The following UNC80 variants were observed in gnomAD, a reference collection of about 807,000 sequenced individuals.
The protein encoded by UNC80 is unc-80 subunit of NALCN channel complex.
In UNC80, 164 loss-of-function variants were observed where a neutral mutation model predicts 384.6. The observed-to-expected ratio is 0.43, with a 90% CI of 0.38 to 0.49. The LOEUF (loss-of-function observed/expected upper bound fraction) is 0.49, where lower values mean the gene tolerates loss of function less well. Among genes scored for constraint, UNC80 ranks in the 20% least tolerant of loss-of-function variants. The pLI, the probability that UNC80 is intolerant of heterozygous loss-of-function variation, is 0.00. For missense variants in UNC80, 3,330 were observed against 4,143.0 expected, an observed-to-expected ratio of 0.80 and a Z score of 5.39; for synonymous variants, 1,486 against 1,527.8, an observed-to-expected ratio of 0.97 and a Z score of 0.64.
At chr2:209,901,774 A>G (rs573303736) in intron 28 of UNC80, among the ~76,000 whole-genome samples, 1 of 152,086 alleles carries the variant, frequency 6.6e-6, no homozygotes, top group African/African-American at 2.4e-5. Context: ...AAAATACAAA[A>G]TAAAATTAGC....
In UNC80 at chr2:209,809,513, G is replaced by A. The variant is rs1028280607; in HGVS notation, c.939-4067G>A. On this transcript the variant is annotated intron_variant, in intron 7 of 64. Coordinates refer to ENST00000673920, the MANE Select transcript of UNC80 (RefSeq NM_001371986.1). ...AAGTACCAGTGCCAGGCGTGCGCTCGAACCTTCTCCCGAATGGCCCTGCTC... is the reference window on the plus strand; with the variant it reads ...AAGTACCAGTGCCAGGCGTGCGCTCAAACCTTCTCCCGAATGGCCCTGCTC... 1.9e-5 allele frequency: 22 copies of A among 1,135,884 alleles called. No individual in the cohort carries two copies. In the Admixed American group the frequency reaches 2.6e-4, roughly 13 times the overall value. The allele number at this position is 1,135,884 out of a possible 1,614,324, so 70.4% of individuals were successfully genotyped here.
intron 5 of UNC80, among the ~76,000 whole-genome samples, chr2:209,786,763 T>C (rs2077452168): frequency 1.3e-5 from 2 of 152,020 alleles, no homozygotes; most frequent in South Asian, 4.1e-4. Context: ...TCTCTTACTA[T>C]GTATATAACC....
intron 15 of UNC80, among the ~76,000 whole-genome samples, chr2:209,830,273 T>A (rs1276921061): frequency 6.6e-6 from 1 of 152,200 alleles, no homozygotes; most frequent in Non-Finnish European, 1.5e-5. Flanking sequence ...AATAAAATAT[T>A]GCTCCTCTAT....
chr2:209,862,193 A>G (rs1371068888), intron 22 of UNC80, among the ~76,000 whole-genome samples: 2 of 152,144 alleles, frequency 1.3e-5, no homozygotes, highest in African/African-American at 4.8e-5. Context: ...TTTCCCTGTT[A>G]ACACTGCTTT....
In UNC80 at chr2:209,993,504, C is replaced by A. The variant is rs186362523; in HGVS notation, c.9508+78C>A. 7.2e-4 allele frequency: 904 copies of A among 1,248,382 alleles called. 3 individuals carry two copies. In the African/African-American group the frequency reaches 0.012, roughly 17 times the overall value. 77.3% of individuals were successfully genotyped at this position (1,248,382 alleles called of 1,614,324 possible). On this transcript the variant is annotated intron_variant, in intron 63 of 64. Transcript: ENST00000673920. ...CTCACCCAGGAAGGCTTACAAAAAC[C>A]AAGCTGATGGAGATAAGCACACCTT... is the stretch of plus-strand genomic sequence containing the variant.
chr2:209,978,798 C>G, intron 59 of UNC80, 90 bp downstream of exon 59: 1 of 1,223,264 alleles, frequency 8.2e-7, no homozygotes, highest in Middle Eastern at 2.3e-4. Flanking sequence ...TGACCTTTTC[C>G]GCTTCTGATC....
Position 209,872,193 on chromosome 2 carries a change from A to T in UNC80, c.3628-565A>T, listed in dbSNP as rs189670845. Among the ~76,000 whole-genome samples the T allele has an allele frequency of 3.0e-4, 46 of 152,120 alleles. No individual in the cohort carries two copies. Among genetic ancestry groups the T allele is most frequent in the African/African-American group, 1.1e-3 (45 of 41,510 alleles). ...TTTTTAGTGGAGATGAAGTTTCATC[A>T]TGTTGGCCAGGCTGGTCTTGAACTT... On this transcript the variant is annotated intron_variant, in intron 22 of 64. Transcript: ENST00000673920. The surrounding 1 kb of genome is among the most constrained non-coding windows in gnomAD (Gnocchi z 4.1).
chr2:209,975,060 C>T (rs1226108832), intron 56 of UNC80, among the ~76,000 whole-genome samples: 2 of 152,168 alleles, frequency 1.3e-5, no homozygotes, highest in African/African-American at 4.8e-5. Context: ...TGGCATGGTT[C>T]TCTCCTGGAA....
intron 60 of UNC80, among the ~76,000 whole-genome samples, chr2:209,983,321 G>T (rs2125024118): frequency 7.2e-6 from 1 of 139,604 alleles, no homozygotes; most frequent in East Asian, 2.3e-4. Context: ...AAAGAATAGG[G>T]TAAAATGATA....
chr2:209,806,100 C>T (rs375339905), intron 7 of UNC80, among the ~76,000 whole-genome samples: 15 of 152,298 alleles, frequency 9.8e-5, no homozygotes, highest in South Asian at 4.1e-4. Flanking sequence ...TCAAATGCTA[C>T]GCTTCTGTCT....
intron 35 of UNC80, among the ~76,000 whole-genome samples, chr2:209,926,586 G>A (rs963603766): frequency 6.6e-6 from 1 of 152,034 alleles, no homozygotes; most frequent in African/African-American, 2.4e-5. Flanking sequence ...AGACCGACTG[G>A]GGCAACACAG....
At chr2:209,900,447 A>G (rs977694404) in intron 28 of UNC80, among the ~76,000 whole-genome samples, 5 of 152,154 alleles carry the variant, frequency 3.3e-5, no homozygotes, top group African/African-American at 1.2e-4. Context: ...AACCACACCC[A>G]TATTGATGTT....
chr2:209,855,085 T>C (rs1574754729), intron 22 of UNC80, among the ~76,000 whole-genome samples: 1 of 152,144 alleles, frequency 6.6e-6, no homozygotes, highest in Non-Finnish European at 1.5e-5. Context: ...GAAAATGTGG[T>C]ACACATACAA....
At chr2:209,870,258 G>A (rs2084180739) in intron 22 of UNC80, among the ~76,000 whole-genome samples, 1 of 152,162 alleles carries the variant, frequency 6.6e-6, no homozygotes, top group African/African-American at 2.4e-5. Flanking sequence ...TATTGTGACA[G>A]GCTAAGAATA....
chr2:209,977,179 A>C, intron 58 of UNC80, 101 bp downstream of exon 58: 6 of 1,202,950 alleles, frequency 5.0e-6, no homozygotes, highest in Non-Finnish European at 6.6e-6. Flanking sequence ...GGAACTATGA[A>C]TATGTTAGCC....
chr2:209,945,993 G>A (rs1011686950), intron 47 of UNC80, 50 bp downstream of exon 47: 15 of 1,272,780 alleles, frequency 1.2e-5, no homozygotes, highest in Non-Finnish European at 1.6e-5. Context: ...ATATGGCAGA[G>A]AAAATAAAAT....
intron 30 of UNC80, 118 bp from the exon 31 acceptor site, chr2:209,913,684 A>G (rs2089211650): frequency 2.9e-6 from 3 of 1,021,136 alleles, no homozygotes; most frequent in Admixed American, 2.9e-5. Flanking sequence ...CATTTTAGAA[A>G]GCATTTTAAG....
rs61738497 is a variant in UNC80, at chr2:209,820,393, G to T, written c.2045G>T (p.Cys682Phe). ...GACGTGGCGCTAAACATTGTGGAAT[G>T]CTTGCTTCAACTTGGTGTGGTGCCC... is the stretch of plus-strand genomic sequence containing the variant. ...ICDVALNIVE[C>F]LLQLGVVPCV... Residue 682 changes from cysteine (C) to phenylalanine (F), a missense_variant, in exon 13 of 65, where the codon TGC (cysteine) becomes TTC (phenylalanine). Coordinates refer to ENST00000673920, the MANE Select transcript of UNC80 (RefSeq NM_001371986.1). The T allele has an allele frequency of 6.4e-6, 10 of 1,551,856 alleles. No individual in the cohort carries two copies. In the African/African-American group the frequency reaches 8.2e-5, roughly 13 times the overall value.
At chr2:209,967,755 A>G in intron 52 of UNC80, 118 bp downstream of exon 52, 1 of 951,204 alleles carries the variant, frequency 1.1e-6, no homozygotes, top group Non-Finnish European at 1.6e-6. Context: ...TTTCTTTGGT[A>G]TATGTGCATA....
Sources: gnomAD v4.1 joint callset for allele counts (sites outside exome capture counted in the v4.1 genomes callset) on GRCh38, gnomAD v4.1.1 for gene constraint, Gnocchi (gnomAD v3.1) non-coding constraint, MANE v1.5 for transcripts, NCBI Gene and HGNC (gene_info 2026-07-23, HGNC 2026-07-21) for gene names.